The following SCARB2 variants were observed in gnomAD, a reference collection of about 807,000 sequenced individuals.
The protein encoded by SCARB2 is scavenger receptor class B member 2.
Under a neutral mutation model 58.6 loss-of-function variants are expected in SCARB2, and 29 were observed. That is an observed-to-expected ratio of 0.49 (90% CI 0.37 to 0.67). The LOEUF (loss-of-function observed/expected upper bound fraction) is 0.67. Ranked by LOEUF, SCARB2 falls within the 30% of genes least tolerant of loss-of-function variation. The pLI is 0.00. For missense variants in SCARB2, 488 were observed against 578.5 expected (o/e 0.84, Z 1.60); for synonymous variants, 195 against 210.1 (o/e 0.93, Z 0.62).
chr4:76,180,044 G>A, intron 3 of SCARB2: 1 of 349,560 alleles, frequency 2.9e-6, no homozygotes, highest in South Asian at 2.6e-5. Flanking sequence ...AGCAGGGCCA[G>A]AGGCTCATTA....
chr4:76,167,865 A>G (rs1296366993), intron 9 of SCARB2, among the ~76,000 whole-genome samples: 2 of 152,004 alleles, frequency 1.3e-5, no homozygotes, highest in Non-Finnish European at 2.9e-5. Flanking sequence ...TATTTTTAGT[A>G]GAGACGAGGT....
At chr4:76,207,118 C>T (rs887908628) in intron 1 of SCARB2, among the ~76,000 whole-genome samples, 2 of 152,170 alleles carry the variant, frequency 1.3e-5, no homozygotes, top group African/African-American at 4.8e-5. Flanking sequence ...TCTTAGGAGG[C>T]GCCCACAAGG....
upstream of SCARB2, among the ~76,000 whole-genome samples, chr4:76,216,762 T>C (rs901794880): frequency 1.3e-5 from 2 of 152,236 alleles, no homozygotes; most frequent in Non-Finnish European, 2.9e-5. Context: ...GAAAATCTCT[T>C]TCTTGGTTCT....
intron 2 of SCARB2, among the ~76,000 whole-genome samples, chr4:76,189,315 T>A (rs1057083310): frequency 2.5e-4 from 38 of 152,236 alleles, no homozygotes; most frequent in Admixed American, 2.3e-3. Context: ...TACCTGAGAC[T>A]GAGTCATTTA....
intron 1 of SCARB2, among the ~76,000 whole-genome samples, chr4:76,225,814 T>G (rs1733387502): frequency 6.6e-6 from 1 of 152,240 alleles, no homozygotes; most frequent in African/African-American, 2.4e-5. Context: ...GATTTTTGTT[T>G]CCATGTTCAT....
At chr4:76,167,752 G>A (rs1732042655) in intron 9 of SCARB2, among the ~76,000 whole-genome samples, 1 of 134,270 alleles carries the variant, frequency 7.4e-6, no homozygotes, top group Non-Finnish European at 1.5e-5. Flanking sequence ...CACCATCTTG[G>A]CTCACTGTGA....
At chr4:76,233,750 G>T (rs1733533561) in intron 1 of SCARB2, among the ~76,000 whole-genome samples, 1 of 152,084 alleles carries the variant, frequency 6.6e-6, no homozygotes, top group South Asian at 2.1e-4. Context: ...CAGGATTGCT[G>T]AACAAAGCCC....
Position 76,176,610 on chromosome 4 carries a change from T to C in SCARB2, c.613-82A>G. On this transcript the variant is annotated intron_variant, in intron 4 of 11. Transcript: ENST00000264896. ...GGCTAGACTATGGTGCCCAGTTGTT[T>C]GGTCAAACACTAGCCCAGATGGTGT... 4.4e-6 allele frequency: 4 copies of C among 916,114 alleles called. No individual in the cohort carries two copies. The South Asian group carries it at 5.4e-5, about 12-fold the overall frequency. 56.7% of individuals were successfully genotyped at this position (916,114 alleles called of 1,614,324 possible).
rs867630391 is a variant in SCARB2, at chr4:76,195,480, C to T, written c.275+227G>A. Reference sequence around the variant, plus strand: ...ACAGTCTGCCAACTCAGGAGGAAACCGCTGCACTTCAAAACACAACACGCT... The same window carrying T: ...ACAGTCTGCCAACTCAGGAGGAAACTGCTGCACTTCAAAACACAACACGCT... On this transcript the variant is annotated intron_variant, in intron 2 of 11. Coordinates refer to ENST00000264896, the MANE Select transcript of SCARB2 (RefSeq NM_005506.4). 22 of 553,916 alleles carry T rather than the reference C, an allele frequency of 4.0e-5. 1 individual carries two copies. In the Middle Eastern group the frequency reaches 4.5e-3, roughly 113 times the overall value. The allele number at this position is 553,916 out of a possible 1,614,324, so 34.3% of individuals were successfully genotyped here.
chr4:76,234,438 C>T (rs6855568), exon 1 of SCARB2: 53,443 of 152,012 alleles, frequency 0.35, 10,222 homozygotes, highest in East Asian at 0.8. Flanking sequence ...CAGAATTGTA[C>T]TGGGTGAAAA....
chr4:76,196,230 G>A (rs774051260), intron 1 of SCARB2, among the ~76,000 whole-genome samples: 1 of 152,226 alleles, frequency 6.6e-6, no homozygotes, highest in Non-Finnish European at 1.5e-5. Flanking sequence ...GTGCGTGCCT[G>A]TAATCCTGGC....
rs1423574478 is a variant in SCARB2, at chr4:76,213,768, G to A, written c.-225C>T. The A allele has an allele frequency of 1.6e-5, 7 of 433,758 alleles. No homozygotes were observed. The highest frequency in any genetic ancestry group is 1.1e-4 in the African/African-American group (5 of 46,880). The allele number at this position is 433,758 out of a possible 1,614,324, so 26.9% of individuals were successfully genotyped here. A position where few individuals can be genotyped will look rare whatever the true frequency, so the allele number is the denominator to read the frequency against. ...CCGCGGAGGGACGGGCCCGGACTCG[G>A]TTTCGGTTTCCTTCGCCGGGCAGCC... On this transcript the variant is annotated 5_prime_UTR_variant, in exon 1 of 12. Transcript: ENST00000264896.
intron 2 of SCARB2, among the ~76,000 whole-genome samples, chr4:76,182,334 C>A (rs1034405688): frequency 6.6e-6 from 1 of 152,112 alleles, no homozygotes; most frequent in Non-Finnish European, 1.5e-5. Context: ...AAAATATATA[C>A]AGAATTTCAA....
intron 1 of SCARB2, 76 bp downstream of exon 1, chr4:76,213,351 A>G: frequency 9.8e-7 from 1 of 1,017,832 alleles, no homozygotes; most frequent in Non-Finnish European, 1.5e-6. Flanking sequence ...GGTCTTTCCC[A>G]TACAAGATGT....
chr4:76,213,554 G>A lies in SCARB2; in HGVS notation c.-11C>T, dbSNP rs200947751. On this transcript the variant is annotated 5_prime_UTR_variant, in exon 1 of 12. Transcript: ENST00000264896. ...GCAGCATCGGCCCATTCTGTGCGCC[G>A]CTCACGGGCCGGGCCGGGCCGCACC... 7.5e-4 allele frequency: 1,191 copies of A among 1,598,176 alleles called. 4 individuals carry two copies. The highest frequency in any genetic ancestry group is 1.5e-3 in the Admixed American group (86 of 58,212).
At chr4:76,231,867 G>A (rs1440898536) in intron 1 of SCARB2, among the ~76,000 whole-genome samples, 1 of 152,176 alleles carries the variant, frequency 6.6e-6, no homozygotes, top group African/African-American at 2.4e-5. Context: ...AAGGGTATGA[G>A]GCCAGTTTCC....
upstream of SCARB2, chr4:76,213,857 G>A (rs1352677772): frequency 1.0e-5 from 2 of 192,672 alleles, no homozygotes; most frequent in African/African-American, 2.4e-5. Context: ...ACGTTCGCGG[G>A]CCGGGCTCGC....
chr4:76,213,790 A>G lies in SCARB2; in HGVS notation c.-247T>C, dbSNP rs925868996. ...TCGGTTTCGGTTTCCTTCGCCGGGC[A>G]GCCGTGGCGCCCGCCTAGCGCAGCT... On this transcript the variant is annotated 5_prime_UTR_variant, in exon 1 of 12. Transcript: ENST00000264896. The G allele has an allele frequency of 2.5e-6, 1 of 393,052 alleles. No homozygotes were observed. The highest frequency in any genetic ancestry group is 2.2e-5 in the African/African-American group (1 of 45,904). The allele number at this position is 393,052 out of a possible 1,614,324, so 24.3% of individuals were successfully genotyped here.
In SCARB2 at chr4:76,213,629, A is replaced by G; in HGVS notation, c.-86T>C. 2 of 1,105,576 alleles carry G rather than the reference A, an allele frequency of 1.8e-6. No homozygotes were observed. Among genetic ancestry groups the G allele is most frequent in the Admixed American group, 1.9e-5 (1 of 52,748 alleles). The allele number at this position is 1,105,576 out of a possible 1,614,324, so 68.5% of individuals were successfully genotyped here. A position where few individuals can be genotyped will look rare whatever the true frequency, so the allele number is the denominator to read the frequency against. ...GGAGGAGCCGCCGCAGAGGCGTCGA[A>G]GACCCGGGACCCTTCGGCGCCACGC... On this transcript the variant is annotated 5_prime_UTR_variant, in exon 1 of 12. Coordinates refer to ENST00000264896, the MANE Select transcript of SCARB2 (RefSeq NM_005506.4).
Sources: allele counts gnomAD v4.1 joint callset (sites outside exome capture counted in the v4.1 genomes callset), GRCh38; gene constraint gnomAD v4.1.1; transcripts MANE v1.5; gene names NCBI Gene and HGNC (gene_info 2026-07-23, HGNC 2026-07-21).